Variants in KDM4C observed in about 807,000 individuals in gnomAD.
The protein encoded by KDM4C is lysine demethylase 4C.
Under a neutral mutation model 129.3 loss-of-function variants are expected in KDM4C, and 81 were observed. That is an observed-to-expected ratio of 0.63 (90% CI 0.52 to 0.75). KDM4C has a LOEUF of 0.75. Ranked by LOEUF, KDM4C falls within the 30% of genes least tolerant of loss-of-function variation. The probability of loss-of-function intolerance (pLI) is 0.00; values close to 1 mark genes in which losing one functional copy is unlikely to be tolerated. For synonymous variants in KDM4C, 573 were observed against 456.1 expected (o/e 1.26, Z -3.26); for missense variants, 1,457 against 1,304.0 (o/e 1.12, Z -1.81).
chr9:6,775,345 G>A (rs1822787528), intron 1 of KDM4C, among the ~76,000 whole-genome samples: 1 of 151,832 alleles, frequency 6.6e-6, no homozygotes, highest in South Asian at 2.1e-4. Context: ...GAGTAGCTAT[G>A]ATTTGTTAAT....
In KDM4C at chr9:7,151,343, C is replaced by T. The variant is rs546609916; in HGVS notation, c.2782-13895C>T. On this transcript the variant is annotated intron_variant, in intron 19 of 21. Transcript: ENST00000381309. ...GTAAGCAAGATGGGCTTCATTTCAG[C>T]TTAAGGGACAACCACAGCATCTTGG... Among the ~76,000 whole-genome samples the T allele has an allele frequency of 7.8e-4, 118 of 152,040 alleles. 5 individuals are homozygous for T. The highest frequency in any genetic ancestry group is 3.4e-4 in the Non-Finnish European group (23 of 68,010).
At chr9:6,767,923 A>G (rs542738794) in intron 1 of KDM4C, among the ~76,000 whole-genome samples, 1 of 151,306 alleles carries the variant, frequency 6.6e-6, no homozygotes, top group African/African-American at 2.4e-5. Context: ...AATTTTATTT[A>G]TTTTTCTAAG....
chr9:6,990,966 T>C (rs933391533), intron 12 of KDM4C, among the ~76,000 whole-genome samples: 2 of 152,216 alleles, frequency 1.3e-5, no homozygotes, highest in Non-Finnish European at 2.9e-5. Context: ...TTGTAACTGG[T>C]GTGGGGTGAA....
chr9:6,972,394 C>A (rs1031518895), intron 8 of KDM4C, among the ~76,000 whole-genome samples: 1 of 152,040 alleles, frequency 6.6e-6, no homozygotes, highest in African/African-American at 2.4e-5. Context: ...AATCAGTTTA[C>A]ATGGTTATAC....
chr9:6,910,026 C>T (rs1818995048), intron 8 of KDM4C, among the ~76,000 whole-genome samples: 1 of 152,042 alleles, frequency 6.6e-6, no homozygotes, highest in South Asian at 2.1e-4. Flanking sequence ...CACTTAATAG[C>T]AAGTTCGTGA....
intron 1 of KDM4C, among the ~76,000 whole-genome samples, chr9:6,728,066 CAAAAAAAAAAAA>C (rs574486528): frequency 6.8e-5 from 5 of 73,942 alleles, no homozygotes; most frequent in Non-Finnish European, 9.9e-5. Context: ...CATGAAGCTG[CAAAAAAAAAAAA>C]AAAAAAAAAA....
chr9:6,987,054 A>G (rs1817848352), intron 11 of KDM4C, among the ~76,000 whole-genome samples: 1 of 152,220 alleles, frequency 6.6e-6, no homozygotes, highest in Non-Finnish European at 1.5e-5. Flanking sequence ...TCACAATCAT[A>G]TCGACATTGA....
At chr9:6,786,211 T>G (rs72699664) in intron 1 of KDM4C, among the ~76,000 whole-genome samples, 12,178 of 152,216 alleles carry the variant, frequency 0.08, 691 homozygotes, top group South Asian at 0.23. Flanking sequence ...CCGGAAAGCA[T>G]CAGACTTGGT....
At chr9:7,019,287 A>G (rs757176165) in intron 15 of KDM4C, among the ~76,000 whole-genome samples, 1 of 152,166 alleles carries the variant, frequency 6.6e-6, no homozygotes. Context: ...TTCTTCAGCA[A>G]TCAATCTCAT....
At chr9:6,975,065 C>G (rs1038084783) in intron 8 of KDM4C, 2 of 152,182 alleles carry the variant, frequency 1.3e-5, no homozygotes, top group African/African-American at 4.8e-5. Context: ...TTGAACAGTG[C>G]TCTCATGGGT....
At chr9:6,906,795 T>G (rs1380316310) in intron 8 of KDM4C, among the ~76,000 whole-genome samples, 1 of 151,440 alleles carries the variant, frequency 6.6e-6, no homozygotes, top group East Asian at 2.0e-4. Flanking sequence ...TGGCATTACA[T>G]GATTTTTGTA....
At chr9:6,740,159 G>T (rs1022571399) in intron 1 of KDM4C, among the ~76,000 whole-genome samples, 2 of 151,764 alleles carry the variant, frequency 1.3e-5, no homozygotes, top group Non-Finnish European at 2.9e-5. Context: ...CAAAGTGCTG[G>T]AATTACAGGT....
rs113564814 is a variant in KDM4C, at chr9:7,164,350, T to TAA, written c.2782-882_2782-881dup. On this transcript the variant is annotated intron_variant, in intron 19 of 21. Transcript: ENST00000381309. ...ACTTCCCTGTCCCCCTGCCACGCCT[T>TAA]AAAAAAACAAAAAGCACCTTTCAGG... is the stretch of plus-strand genomic sequence containing the variant. Among the ~76,000 whole-genome samples the TAA allele has an allele frequency of 8.9e-3, 1,325 of 148,284 alleles. 23 individuals are homozygous for TAA. The highest frequency in any genetic ancestry group is 0.025 in the African/African-American group (1,005 of 40,296).
rs182662205 is a variant in KDM4C at position 7,121,378 on chromosome 9, A to C, written c.2611-6688A>C. Among the ~76,000 whole-genome samples the C allele has an allele frequency of 2.0e-5, 3 of 152,288 alleles. No individual in the cohort carries two copies. The South Asian group carries it at 6.2e-4, about 32-fold the overall frequency. ...TCACACCCCAGAGTCTGAGGTTCTTAGAGAGAAAGCAGAAGTGTTCAAGCC... is the reference window on the plus strand; with the variant it reads ...TCACACCCCAGAGTCTGAGGTTCTTCGAGAGAAAGCAGAAGTGTTCAAGCC... On this transcript the variant is annotated intron_variant, in intron 18 of 21. Transcript: ENST00000381309.
chr9:7,123,444 G>A (rs1243956898), intron 18 of KDM4C, among the ~76,000 whole-genome samples: 2 of 152,140 alleles, frequency 1.3e-5, no homozygotes, highest in African/African-American at 4.8e-5. Flanking sequence ...GTGCCCCTTT[G>A]CTTCTCTTTG....
chr9:6,828,305 GC>G (rs761384062), intron 4 of KDM4C, among the ~76,000 whole-genome samples: 24 of 152,062 alleles, frequency 1.6e-4, no homozygotes, highest in Non-Finnish European at 3.5e-4. Context: ...CCACCACAAC[GC>G]CCGGCTAATT....
At chr9:6,751,073 G>A (rs1466456850) in intron 1 of KDM4C, among the ~76,000 whole-genome samples, 4 of 152,142 alleles carry the variant, frequency 2.6e-5, no homozygotes, top group Admixed American at 2.6e-4. Flanking sequence ...GAAAGCAGAA[G>A]CTGCAATGTA....
At chr9:6,805,206 T>G (rs1222599912) in intron 2 of KDM4C, among the ~76,000 whole-genome samples, 1 of 152,176 alleles carries the variant, frequency 6.6e-6, no homozygotes, top group Non-Finnish European at 1.5e-5. Flanking sequence ...GCCAATTTCA[T>G]CTATTGAGAG....
At chr9:6,858,174 C>G (rs1454341541) in intron 5 of KDM4C, among the ~76,000 whole-genome samples, 6 of 152,092 alleles carry the variant, frequency 3.9e-5, no homozygotes, top group Admixed American at 6.6e-5. Flanking sequence ...AAACAGAAGA[C>G]TCAGGGCAAA....
Sources: allele counts gnomAD v4.1 joint callset (sites outside exome capture counted in the v4.1 genomes callset), GRCh38; gene constraint gnomAD v4.1.1; transcripts MANE v1.5; gene names NCBI Gene and HGNC (gene_info 2026-07-23, HGNC 2026-07-21).